Variants in UMAD1 observed in about 807,000 individuals in gnomAD.
UMAD1 encodes the protein UBAP1-MVB12-associated (UMA) domain containing 1.
Under a neutral mutation model 6.1 loss-of-function variants are expected in UMAD1, and 8 were observed. The observed-to-expected ratio is 1.30, with a 90% CI of 0.76 to 2.35. The LOEUF is 2.35. Among genes scored for constraint, UMAD1 ranks in the 30% most tolerant of loss-of-function variants. The probability of loss-of-function intolerance (pLI) is 0.00; values close to 1 mark genes in which losing one functional copy is unlikely to be tolerated. For missense variants in UMAD1, 130 were observed against 78.4 expected, an observed-to-expected ratio of 1.66 and a Z score of -2.49; for synonymous variants, 56 against 31.4, an observed-to-expected ratio of 1.78 and a Z score of -2.61.
chr7:7,724,520 A>G (rs1449920904), intron 2 of UMAD1, among the ~76,000 whole-genome samples: 1 of 152,142 alleles, frequency 6.6e-6, no homozygotes, highest in Non-Finnish European at 1.5e-5. Flanking sequence ...TAAATCAAAA[A>G]CAGTATCACA....
intron 1 of UMAD1, among the ~76,000 whole-genome samples, chr7:7,642,109 A>G (rs1278643120): frequency 6.6e-6 from 1 of 152,182 alleles, no homozygotes; most frequent in East Asian, 1.9e-4. Flanking sequence ...TGCATTATAT[A>G]GGGGAGAGTA....
At chr7:7,852,103 C>T (rs1447135609) in intron 3 of UMAD1, among the ~76,000 whole-genome samples, 2 of 152,216 alleles carry the variant, frequency 1.3e-5, no homozygotes, top group East Asian at 1.9e-4. Context: ...ATCCAGTTGT[C>T]CCAGCAATAT....
rs190511445 is a variant in UMAD1 at position 7,857,211 on chromosome 7, G to A, written c.157-20070G>A. Reference sequence around the variant, plus strand: ...TATTTTGGGCATAAATGCTGATGATGTACTTCCCCTTTTCTTCCACAGTTA... The same window carrying A: ...TATTTTGGGCATAAATGCTGATGATATACTTCCCCTTTTCTTCCACAGTTA... On this transcript the variant is annotated intron_variant, in intron 3 of 3. Transcript: ENST00000682710. Among the ~76,000 whole-genome samples the A allele has an allele frequency of 2.2e-3, 328 of 152,262 alleles. 1 individual carries two copies. The highest frequency in any genetic ancestry group is 7.5e-3 in the African/African-American group (313 of 41,546).
intron 2 of UMAD1, among the ~76,000 whole-genome samples, chr7:7,773,225 T>C (rs1295213434): frequency 6.6e-6 from 1 of 152,238 alleles, no homozygotes; most frequent in Non-Finnish European, 1.5e-5. Context: ...AATAAAGTTG[T>C]GAGGCTGCTT....
intron 1 of UMAD1, among the ~76,000 whole-genome samples, chr7:7,665,014 TACAC>T (rs563963870): frequency 1.4e-5 from 2 of 148,058 alleles, no homozygotes; most frequent in Middle Eastern, 3.7e-3. Flanking sequence ...TATATATATA[TACAC>T]ACACACACAC....
At chr7:7,764,664 G>A (rs1448683857) in intron 2 of UMAD1, among the ~76,000 whole-genome samples, 2 of 152,198 alleles carry the variant, frequency 1.3e-5, no homozygotes, top group Non-Finnish European at 2.9e-5. Flanking sequence ...ATTGGAAGCA[G>A]TGTGTTTTAA....
At chr7:7,665,570 G>A (rs1203910028) in intron 1 of UMAD1, among the ~76,000 whole-genome samples, 10 of 152,154 alleles carry the variant, frequency 6.6e-5, no homozygotes, top group Non-Finnish European at 1.0e-4. Flanking sequence ...TATACAATTT[G>A]ATGAGTTTTG....
At position 7,830,084 on chromosome 7, in the gene UMAD1, G is replaced by A. The variant is rs1192080681; in HGVS notation, c.156+28341G>A. Among the ~76,000 whole-genome samples, 2 of 152,074 alleles carry A rather than the reference G, an allele frequency of 1.3e-5. No individual in the cohort carries two copies. The highest frequency in any genetic ancestry group is 2.4e-5 in the African/African-American group (1 of 41,426). On this transcript the variant is annotated intron_variant, in intron 3 of 3. Coordinates refer to ENST00000682710, the MANE Select transcript of UMAD1 (RefSeq NM_001302348.2). This position sits in a 1 kb window ranked among gnomAD's most constrained non-coding sequence, Gnocchi z 5.3. Reference sequence around the variant, plus strand: ...GAGTTTTCTACTTTAAAAAAGAAAAGTTATATTATTTTCCCACCTCTCCCT... The same window carrying A: ...GAGTTTTCTACTTTAAAAAAGAAAAATTATATTATTTTCCCACCTCTCCCT...
chr7:7,868,213 C>G (rs1784268370), intron 3 of UMAD1: 1 of 152,092 alleles, frequency 6.6e-6, no homozygotes, highest in Non-Finnish European at 1.5e-5. Context: ...ACTGAAACAG[C>G]CTTTTGTGTT....
chr7:7,845,219 A>T (rs1300498160), intron 3 of UMAD1, among the ~76,000 whole-genome samples: 1 of 152,160 alleles, frequency 6.6e-6, no homozygotes, highest in East Asian at 1.9e-4. Context: ...GACGTTTTAG[A>T]TATATTGGGT....
intron 2 of UMAD1, among the ~76,000 whole-genome samples, chr7:7,700,548 GA>G (rs1780433882): frequency 6.6e-6 from 1 of 151,942 alleles, no homozygotes; most frequent in African/African-American, 2.4e-5. Context: ...AACATAGTGA[GA>G]CCCCCATCTC....
At chr7:7,852,265 C>G (rs1013917777) in intron 3 of UMAD1, among the ~76,000 whole-genome samples, 2 of 152,194 alleles carry the variant, frequency 1.3e-5, no homozygotes, top group Non-Finnish European at 2.9e-5. Context: ...GCAGCCAACA[C>G]AGAAGATTTC....
intron 2 of UMAD1, among the ~76,000 whole-genome samples, chr7:7,759,537 T>C (rs1177176889): frequency 6.6e-6 from 1 of 152,190 alleles, no homozygotes; most frequent in Non-Finnish European, 1.5e-5. Context: ...CCTTTCTCTC[T>C]TTTTTGCTTC....
In UMAD1 at chr7:7,878,033, A is replaced by G. The variant is rs1784457660; in HGVS notation, c.*495A>G. On this transcript the variant is annotated 3_prime_UTR_variant, in exon 4 of 4. Transcript: ENST00000682710. ...CAGTTAGCTTAATTTCTTCAGATGCATTGATGTGGAAATTTAAAACTTGTC... is the reference window on the plus strand; with the variant it reads ...CAGTTAGCTTAATTTCTTCAGATGCGTTGATGTGGAAATTTAAAACTTGTC... 6.3e-6 allele frequency: 1 copy of G among 157,704 alleles called. No individual in the cohort carries two copies. The highest frequency in any genetic ancestry group is 2.4e-5 in the African/African-American group (1 of 41,460). The allele number at this position is 157,704 out of a possible 1,614,324, so 9.8% of individuals were successfully genotyped here. A position where few individuals can be genotyped will look rare whatever the true frequency, so the allele number is the denominator to read the frequency against.
At chr7:7,855,265 C>T (rs1783994476) in intron 3 of UMAD1, among the ~76,000 whole-genome samples, 1 of 152,240 alleles carries the variant, frequency 6.6e-6, no homozygotes, top group Admixed American at 6.5e-5. Context: ...CCAGTGTGGA[C>T]TCTGCATGAG....
chr7:7,708,723 A>T (rs1313252482), intron 2 of UMAD1, among the ~76,000 whole-genome samples: 1 of 152,176 alleles, frequency 6.6e-6, no homozygotes, highest in Non-Finnish European at 1.5e-5. Context: ...AGCTGATTTG[A>T]CTGAAACGAG....
intron 2 of UMAD1, among the ~76,000 whole-genome samples, chr7:7,763,214 TA>T (rs1781924767): frequency 4.6e-5 from 7 of 152,220 alleles, no homozygotes; most frequent in Admixed American, 4.6e-4. Context: ...TTTATTTAAT[TA>T]AAGCCAATGA....
At chr7:7,837,713 A>G (rs968331255) in intron 3 of UMAD1, among the ~76,000 whole-genome samples, 12 of 113,636 alleles carry the variant, frequency 1.1e-4, no homozygotes, top group Admixed American at 3.9e-4. Context: ...GATAGAACAA[A>G]TGTGAATATA....
At chr7:7,730,100 G>C (rs1187454996) in intron 2 of UMAD1, among the ~76,000 whole-genome samples, 1 of 152,042 alleles carries the variant, frequency 6.6e-6, no homozygotes, top group Non-Finnish European at 1.5e-5. Context: ...AGCATTCCTG[G>C]AAAAAATCAC....
Sources: gnomAD v4.1 joint callset for allele counts (sites outside exome capture counted in the v4.1 genomes callset) on GRCh38, gnomAD v4.1.1 for gene constraint, Gnocchi (gnomAD v3.1) non-coding constraint, MANE v1.5 for transcripts, NCBI Gene and HGNC (gene_info 2026-07-23, HGNC 2026-07-21) for gene names.